The following RAB3GAP1 variants were observed in gnomAD, a reference collection of about 807,000 sequenced individuals.
RAB3GAP1 encodes the protein RAB3 GTPase activating protein catalytic subunit 1.
In RAB3GAP1, 86 loss-of-function variants were observed where a neutral mutation model predicts 130.7. The observed-to-expected ratio is 0.66, with a 90% CI of 0.55 to 0.79. The LOEUF (loss-of-function observed/expected upper bound fraction) is 0.79, where lower values mean the gene tolerates loss of function less well. Ranked by LOEUF, RAB3GAP1 falls within the 30% of genes least tolerant of loss-of-function variation. RAB3GAP1 has a pLI of 0.00. For synonymous variants in RAB3GAP1, 367 were observed against 401.7 expected (o/e 0.91, Z 1.03); for missense variants, 1,029 against 1,169.4 (o/e 0.88, Z 1.75).
rs1375053385 is a variant in RAB3GAP1, at chr2:135,134,126, T to G, written c.1499+93T>G. ...TATTTTTTCCCCCTTCTAGGAAGTCTGCCCTAAGAAAGTGGCAAGAAGCTT... is the reference window on the plus strand; with the variant it reads ...TATTTTTTCCCCCTTCTAGGAAGTCGGCCCTAAGAAAGTGGCAAGAAGCTT... On this transcript the variant is annotated intron_variant, in intron 15 of 23. Transcript: ENST00000264158. 6.2e-6 allele frequency: 9 copies of G among 1,440,238 alleles called. No homozygotes were observed. In the African/African-American group the frequency reaches 1.3e-4, roughly 20 times the overall value. 89.2% of individuals were successfully genotyped at this position (1,440,238 alleles called of 1,614,324 possible).
chr2:135,164,402 G>A (rs1001016397), intron 22 of RAB3GAP1, among the ~76,000 whole-genome samples, 192 bp from the exon 23 acceptor site: 1 of 152,188 alleles, frequency 6.6e-6, no homozygotes, highest in Non-Finnish European at 1.5e-5. Flanking sequence ...GAAAAAGCAG[G>A]AAGATTGTCA....
chr2:135,066,449 A>C (rs1347276936), intron 3 of RAB3GAP1, among the ~76,000 whole-genome samples: 1 of 152,176 alleles, frequency 6.6e-6, no homozygotes, highest in African/African-American at 2.4e-5. Context: ...TTATAACCCT[A>C]TTTTATGGAG....
intron 18 of RAB3GAP1, among the ~76,000 whole-genome samples, chr2:135,150,910 A>C (rs1245169652): frequency 6.6e-6 from 1 of 152,120 alleles, no homozygotes; most frequent in Non-Finnish European, 1.5e-5. Context: ...TACAGTGTTT[A>C]CCCTCAGTTA....
At chr2:135,089,492 A>G (rs937693248) in intron 3 of RAB3GAP1, among the ~76,000 whole-genome samples, 1 of 152,156 alleles carries the variant, frequency 6.6e-6, no homozygotes, top group African/African-American at 2.4e-5. Context: ...GGCCATTTTC[A>G]TAGTATTGAT....
At chr2:135,114,479 C>G (rs529041714) in intron 6 of RAB3GAP1, among the ~76,000 whole-genome samples, 2 of 152,242 alleles carry the variant, frequency 1.3e-5, no homozygotes, top group Non-Finnish European at 2.9e-5. Context: ...TTTGTACAAT[C>G]CTTTCTTGTT....
intron 17 of RAB3GAP1, 124 bp downstream of exon 17, chr2:135,136,056 T>G: frequency 1.5e-6 from 2 of 1,327,164 alleles, no homozygotes; most frequent in Non-Finnish European, 2.1e-6. Flanking sequence ...CCAGATGCGG[T>G]GGCTTACGCC....
chr2:135,129,641 TTAC>T (rs1250807241), intron 11 of RAB3GAP1, among the ~76,000 whole-genome samples: 6 of 152,086 alleles, frequency 3.9e-5, no homozygotes, highest in African/African-American at 1.4e-4. Flanking sequence ...TGGGGAAAGA[TTAC>T]TACATACTTA....
At chr2:135,088,541 T>G (rs1242102751) in intron 3 of RAB3GAP1, among the ~76,000 whole-genome samples, 1 of 151,740 alleles carries the variant, frequency 6.6e-6, no homozygotes, top group East Asian at 1.9e-4. Flanking sequence ...ATTCAAAAAT[T>G]AGCCAGGCGT....
chr2:135,087,262 T>C (rs1690014250), intron 3 of RAB3GAP1, among the ~76,000 whole-genome samples: 1 of 152,218 alleles, frequency 6.6e-6, no homozygotes, highest in South Asian at 2.1e-4. Flanking sequence ...ATTTCATTGA[T>C]CTGTTTGTCT....
chr2:135,120,014 ATCAT>A (rs1401570871), intron 7 of RAB3GAP1, among the ~76,000 whole-genome samples: 1 of 152,180 alleles, frequency 6.6e-6, no homozygotes, highest in East Asian at 1.9e-4. Context: ...TGTGTGAGTG[ATCAT>A]TCATTTCTCT....
At chr2:135,162,960 T>C (rs1692510927) in intron 21 of RAB3GAP1, 26 bp from the exon 22 acceptor site, 1 of 1,593,680 alleles carries the variant, frequency 6.3e-7, no homozygotes, top group African/African-American at 1.3e-5. Flanking sequence ...TCTCGCAATG[T>C]ATGCCTCTTC....
intron 3 of RAB3GAP1, among the ~76,000 whole-genome samples, chr2:135,072,293 G>A (rs543645220): frequency 6.6e-6 from 1 of 152,218 alleles, no homozygotes; most frequent in Admixed American, 6.5e-5. Context: ...CTGAATCCAG[G>A]GAAGATTCAT....
intron 5 of RAB3GAP1, among the ~76,000 whole-genome samples, chr2:135,109,857 C>T (rs1321121612): frequency 6.6e-6 from 1 of 152,198 alleles, no homozygotes; most frequent in African/African-American, 2.4e-5. Context: ...GCTGGGATTA[C>T]AGGTGTGAGC....
At chr2:135,175,365 G>GC (rs1157487921), downstream of RAB3GAP1, 1 of 152,222 alleles carries the variant, frequency 6.6e-6, no homozygotes, top group East Asian at 1.9e-4. Context: ...GCTCCCAGGA[G>GC]CTGGCATAGA....
chr2:135,115,267 A>G lies in RAB3GAP1; in HGVS notation c.534A>G (p.Val178=), dbSNP rs1230982735. 2.5e-6 allele frequency: 4 copies of G among 1,613,012 alleles called. No individual in the cohort carries two copies. The highest frequency in any genetic ancestry group is 2.7e-5 in the African/African-American group (2 of 74,914). ...ACCACAAATGGCGAAGAATGTATGT[A>G]GGAGAATGTCAAGGTCCTGGTGTAC... is the stretch of plus-strand genomic sequence containing the variant. ...QIHHKWRRMY[V]GECQGPGVRT... is the part of the protein sequence containing the mutation. Residue 178 remains valine, a synonymous_variant, in exon 7 of 24, where the codon GTA becomes GTG. Transcript: ENST00000264158.
At chr2:135,132,146 G>A (rs1428261964) in intron 13 of RAB3GAP1, among the ~76,000 whole-genome samples, 2 of 152,160 alleles carry the variant, frequency 1.3e-5, no homozygotes, top group African/African-American at 4.8e-5. Flanking sequence ...TATAATGTGT[G>A]GCAAAGTATA....
At chr2:135,139,200 G>T (rs150011381) in intron 17 of RAB3GAP1, among the ~76,000 whole-genome samples, 2 of 152,012 alleles carry the variant, frequency 1.3e-5, no homozygotes, top group East Asian at 3.9e-4. Flanking sequence ...AAAAACATAT[G>T]TTCATGTATT....
intron 8 of RAB3GAP1, 119 bp from the exon 9 acceptor site, chr2:135,124,046 A>T (rs971513624): frequency 3.6e-5 from 34 of 943,056 alleles, no homozygotes; most frequent in Non-Finnish European, 5.0e-5. Flanking sequence ...TAACTTGCTA[A>T]CTTGCTACAT....
intron 4 of RAB3GAP1, among the ~76,000 whole-genome samples, chr2:135,091,598 A>C (rs1690142971): frequency 6.6e-6 from 1 of 152,170 alleles, no homozygotes; most frequent in South Asian, 2.1e-4. Flanking sequence ...TAGATTTTGG[A>C]GTCAAAACAA....
Sources: allele counts gnomAD v4.1 joint callset (sites outside exome capture counted in the v4.1 genomes callset), GRCh38; gene constraint gnomAD v4.1.1; transcripts MANE v1.5; gene names NCBI Gene and HGNC (gene_info 2026-07-23, HGNC 2026-07-21).